The following TERB2 variants were observed in gnomAD, a reference collection of about 807,000 sequenced individuals.
TERB2 encodes the protein telomere repeats-binding bouquet formation protein 2.
A neutral mutation model predicts 29.8 loss-of-function variants in TERB2; 26 were observed. The ratio of observed to expected loss-of-function variants is 0.87; its 90% CI spans 0.64 to 1.21. The LOEUF is 1.21. Ranked by LOEUF, TERB2 falls within the 50% of genes most tolerant of loss-of-function variation. TERB2 has a pLI of 0.00. For missense variants in TERB2, 240 were observed against 268.6 expected (o/e 0.89, Z 0.74); for synonymous variants, 80 against 90.8 (o/e 0.88, Z 0.68).
At chr15:44,974,995 C>T (rs1048541120) in intron 6 of TERB2, among the ~76,000 whole-genome samples, 1 of 152,078 alleles carries the variant, frequency 6.6e-6, no homozygotes, top group African/African-American at 2.4e-5. Flanking sequence ...TGTAATAGTG[C>T]TGCTTTTTGT....
rs555295909 is a variant in TERB2, at chr15:44,972,337, G to A, written c.435-1530G>A. ...TTTGCTATTACTCAGTGTACTTCTA[G>A]ATTTTTAGGAAAATAATAAATTTAA... is the stretch of plus-strand genomic sequence containing the variant. On this transcript the variant is annotated intron_variant, in intron 5 of 6. Transcript: ENST00000340827. 2.6e-5 allele frequency among the ~76,000 whole-genome samples: 4 copies of A among 152,010 alleles called. No homozygotes were observed. The East Asian group carries it at 7.8e-4, about 29-fold the overall frequency.
intron 5 of TERB2, chr15:44,973,512 C>T (rs1892000634): frequency 6.6e-6 from 1 of 152,074 alleles, no homozygotes; most frequent in South Asian, 2.1e-4. Context: ...CATTTTCACC[C>T]ATTAAGACTG....
At chr15:44,976,837 G>A (rs916911712) in intron 6 of TERB2, among the ~76,000 whole-genome samples, 1 of 152,076 alleles carries the variant, frequency 6.6e-6, no homozygotes, top group Admixed American at 6.6e-5. Context: ...GATTTGAACC[G>A]GGCTAACTGC....
rs776981493 is a variant in TERB2, at chr15:44,958,395, A to G, written c.169A>G (p.Ile57Val). Residue 57 changes from isoleucine (I) to valine (V), a missense_variant, in exon 3 of 7, where the codon ATA (isoleucine) becomes GTA (valine). Ile to Val is a conservative substitution (Grantham distance 29). Coordinates refer to ENST00000340827, the MANE Select transcript of TERB2 (RefSeq NM_152448.3). ...TAGAATATATCAGAGCCTTGATTAC[A>G]TAGAAGATAATGCTACAGTTTTTCA... ...TLRIYQSLDY[I>V]EDNATVFHAY... is the part of the protein sequence containing the mutation. 1 of 1,613,346 alleles carries G rather than the reference A, an allele frequency of 6.2e-7. No homozygotes were observed. The highest frequency in any genetic ancestry group is 1.1e-5 in the South Asian group (1 of 90,840).
chr15:44,975,132 A>G (rs1454830317), intron 6 of TERB2, among the ~76,000 whole-genome samples: 3 of 152,228 alleles, frequency 2.0e-5, no homozygotes, highest in Admixed American at 6.5e-5. Context: ...ACCTGTGGTA[A>G]TACTCTGTTG....
intron 1 of TERB2, 25 bp from the exon 2 acceptor site, chr15:44,956,871 T>G: frequency 6.2e-7 from 1 of 1,612,886 alleles, no homozygotes; most frequent in Non-Finnish European, 8.5e-7. Context: ...CTTGATAGGT[T>G]CACCCTGTGC....
intron 5 of TERB2, among the ~76,000 whole-genome samples, chr15:44,967,304 G>A (rs1170553122): frequency 1.3e-5 from 2 of 152,224 alleles, no homozygotes; most frequent in African/African-American, 2.4e-5. Flanking sequence ...CCTGTGGCCG[G>A]AGTCAATCTA....
intron 2 of TERB2, among the ~76,000 whole-genome samples, chr15:44,957,416 T>C (rs1244540106): frequency 6.6e-6 from 1 of 152,060 alleles, no homozygotes; most frequent in Non-Finnish European, 1.5e-5. Flanking sequence ...TCCAAGTGTG[T>C]GTTTCCAGCT....
intron 3 of TERB2, among the ~76,000 whole-genome samples, chr15:44,959,463 G>A (rs1253292695): frequency 1.3e-5 from 2 of 152,092 alleles, no homozygotes; most frequent in Admixed American, 6.6e-5. Flanking sequence ...CACCTCCTGG[G>A]TTCAAGCGAT....
intron 6 of TERB2, among the ~76,000 whole-genome samples, chr15:44,975,786 G>C (rs1202137269): frequency 6.6e-6 from 1 of 151,548 alleles, no homozygotes; most frequent in Non-Finnish European, 1.5e-5. Context: ...AAGAGTTTTT[G>C]TTTTGCTTTC....
At chr15:44,974,073 G>A (rs1892009216) in intron 6 of TERB2, 118 bp downstream of exon 6, 1 of 1,037,174 alleles carries the variant, frequency 9.6e-7, no homozygotes, top group Non-Finnish European at 1.2e-6. Context: ...TAGTAAGCCT[G>A]GTAATGGAGG....
chr15:44,957,905 A>AC (rs980872990), intron 2 of TERB2, among the ~76,000 whole-genome samples: 9 of 151,682 alleles, frequency 5.9e-5, no homozygotes, highest in African/African-American at 2.2e-4. Context: ...AGCCCAGTCA[A>AC]CCCGAACTGC....
At chr15:44,966,085 T>G (rs1474062260) in intron 4 of TERB2, 73 bp from the exon 5 acceptor site, 4 of 818,138 alleles carry the variant, frequency 4.9e-6, no homozygotes, top group Non-Finnish European at 5.3e-6. Context: ...TTATTTTTCC[T>G]TTTTAAAAAC....
chr15:44,961,559 A>G lies in TERB2; in HGVS notation c.323A>G (p.Gln108Arg). 6.3e-7 allele frequency: 1 copy of G among 1,599,926 alleles called. No individual in the cohort carries two copies. The highest frequency in any genetic ancestry group is 2.3e-5 in the East Asian group (1 of 44,196). The change falls in exon 4 of 7, where the codon CAA becomes CGA. Residue 108 changes from glutamine (Q) to arginine (R), a missense_variant. Transcript: ENST00000340827. ...RRKIGSFIWE[Q>R]DQHFLIEKHD... is the part of the protein sequence containing the mutation. ...AAAATTGGTAGTTTTATTTGGGAAC[A>G]AGACCAACATTTTCTGATAGAAAAG...
chr15:44,963,331 T>G (rs1386262106), intron 4 of TERB2, among the ~76,000 whole-genome samples: 1 of 152,202 alleles, frequency 6.6e-6, no homozygotes, highest in Non-Finnish European at 1.5e-5. Flanking sequence ...TACACAATAT[T>G]ATCTGTGTAG....
intron 5 of TERB2, chr15:44,971,223 G>C (rs71478350): frequency 0.017 from 2,613 of 152,548 alleles, 47 homozygotes; most frequent in Non-Finnish European, 0.025. Context: ...CTAATGTTTA[G>C]AAACAGCCAA....
intron 5 of TERB2, 191 bp from the exon 6 acceptor site, chr15:44,973,676 T>C (rs1317698383): frequency 9.7e-6 from 3 of 309,396 alleles, no homozygotes; most frequent in Admixed American, 6.3e-5. Context: ...AAAATCACTA[T>C]ATATATTGCC....
intron 6 of TERB2, chr15:44,976,227 T>G (rs537205518): frequency 6.6e-6 from 1 of 152,258 alleles, no homozygotes; most frequent in South Asian, 2.1e-4. Flanking sequence ...GTTTCTAAGG[T>G]CAGAAATCCA....
intron 5 of TERB2, among the ~76,000 whole-genome samples, chr15:44,968,488 T>C (rs1462341471): frequency 6.6e-6 from 1 of 151,956 alleles, no homozygotes; most frequent in Non-Finnish European, 1.5e-5. Context: ...CCCAAAGTTC[T>C]GGGATTGCAG....
Sources: allele counts gnomAD v4.1 joint callset (sites outside exome capture counted in the v4.1 genomes callset), GRCh38; gene constraint gnomAD v4.1.1; transcripts MANE v1.5; gene names NCBI Gene and HGNC (gene_info 2026-07-23, HGNC 2026-07-21).